SEC31A: variants seen among roughly 807,000 people sequenced by gnomAD.
SEC31A encodes the protein protein transport protein Sec31A.
A neutral mutation model predicts 151.0 loss-of-function variants in SEC31A; 70 were observed. The observed-to-expected ratio is 0.46, with a 90% CI of 0.38 to 0.57. The LOEUF is 0.57. Ranked by LOEUF, SEC31A falls within the 20% of genes least tolerant of loss-of-function variation. SEC31A has a pLI of 0.00. For synonymous variants in SEC31A, 475 were observed against 505.9 expected (o/e 0.94, Z 0.82); for missense variants, 1,330 against 1,471.2 (o/e 0.90, Z 1.57).
intron 22 of SEC31A, 66 bp from the exon 23 acceptor site, chr4:82,829,124 G>T: frequency 7.6e-7 from 1 of 1,319,522 alleles, no homozygotes; most frequent in Non-Finnish European, 1.1e-6. Flanking sequence ...AAACTGAATC[G>T]ATCACCTAAT....
rs144605203 is a variant in SEC31A at position 82,870,602 on chromosome 4, G to A, written c.783-178C>T. On this transcript the variant is annotated intron_variant, in intron 7 of 26. Transcript: ENST00000395310. ...AATGCCAACTACTCAGGAGGCTGAG[G>A]TAGGAGAATCACTTGAACCTGGGAG... Among the ~76,000 whole-genome samples the A allele has an allele frequency of 4.7e-3, 722 of 152,326 alleles. 7 individuals are homozygous for A. The highest frequency in any genetic ancestry group is 0.016 in the African/African-American group (678 of 41,562).
chr4:82,852,589 T>A (rs1232491863), intron 18 of SEC31A, among the ~76,000 whole-genome samples: 1 of 152,228 alleles, frequency 6.6e-6, no homozygotes, highest in East Asian at 1.9e-4. Flanking sequence ...CCTACCCATT[T>A]TTTTTGTTTC....
At chr4:82,831,426 A>G (rs1725910190) in intron 22 of SEC31A, 1 of 152,832 alleles carries the variant, frequency 6.5e-6, no homozygotes, top group South Asian at 2.0e-4. Context: ...TCAGCTATGG[A>G]TCTTGTTAAA....
At chr4:82,889,201 G>C (rs1009244800) in intron 1 of SEC31A, among the ~76,000 whole-genome samples, 1 of 152,110 alleles carries the variant, frequency 6.6e-6, no homozygotes, top group Non-Finnish European at 1.5e-5. Flanking sequence ...AAAACTTTTT[G>C]AGCTGAAATT....
chr4:82,846,820 T>C (rs1436213470), intron 20 of SEC31A, among the ~76,000 whole-genome samples: 1 of 152,190 alleles, frequency 6.6e-6, no homozygotes, highest in Non-Finnish European at 1.5e-5. Context: ...GTTCAAGCGA[T>C]TCTCCTGCCT....
At position 82,834,832 on chromosome 4, in the gene SEC31A, T is replaced by C. The variant is rs140698682; in HGVS notation, c.2969-5774A>G. The stretch of plus-strand genomic sequence containing the variant: ...TGACTTTTTTAAAAAAAACTTCTCC[T>C]ACTCAAGGATTTTATTTATTTATTT... On this transcript the variant is annotated intron_variant, in intron 22 of 26. Coordinates refer to ENST00000395310, the MANE Select transcript of SEC31A (RefSeq NM_001077207.4). Among the ~76,000 whole-genome samples the C allele has an allele frequency of 9.2e-3, 1,395 of 152,264 alleles. 25 individuals carry two copies. Among genetic ancestry groups the C allele is most frequent in the African/African-American group, 0.032 (1,325 of 41,560 alleles).
chr4:82,875,538 C>T (rs925026471), intron 5 of SEC31A, among the ~76,000 whole-genome samples, 189 bp downstream of exon 5: 1 of 152,140 alleles, frequency 6.6e-6, no homozygotes, highest in African/African-American at 2.4e-5. Context: ...TAAATATTTA[C>T]TCTTGATGGA....
rs759434094 is a variant in SEC31A, at chr4:82,848,790, A to C, written c.2502+14T>G. 1.9e-6 allele frequency: 3 copies of C among 1,601,740 alleles called. No homozygotes were observed. Among genetic ancestry groups the C allele is most frequent in the Non-Finnish European group, 2.6e-6 (3 of 1,175,880 alleles). ...ACAAAAGTGTTCCTACTTCATCTGG[A>C]CCATATCACTCACATGGGGATAATA... On this transcript the variant is annotated intron_variant, in intron 20 of 26. Transcript: ENST00000395310.
chr4:82,866,308 T>G (rs1205542611), intron 10 of SEC31A, among the ~76,000 whole-genome samples: 1 of 151,984 alleles, frequency 6.6e-6, no homozygotes, highest in East Asian at 1.9e-4. Context: ...CCATCTCTAC[T>G]AAAAATACAA....
chr4:82,851,729 C>A, intron 18 of SEC31A, 125 bp from the exon 19 acceptor site: 1 of 758,528 alleles, frequency 1.3e-6, no homozygotes. Context: ...TATCATCCCT[C>A]CTAGAAAAGT....
intron 1 of SEC31A, among the ~76,000 whole-genome samples, chr4:82,884,338 C>CT (rs1215717745): frequency 1.3e-5 from 2 of 151,356 alleles, no homozygotes; most frequent in Non-Finnish European, 2.9e-5. Flanking sequence ...TTTGACTTTG[C>CT]TTTTTTCAAA....
intron 8 of SEC31A, among the ~76,000 whole-genome samples, chr4:82,869,969 A>G (rs1488889334): frequency 6.6e-6 from 1 of 152,210 alleles, no homozygotes; most frequent in Non-Finnish European, 1.5e-5. Flanking sequence ...GGAACGGTAA[A>G]GCAGGCAAAA....
chr4:82,898,221 T>C (rs1224143786), intron 3 of SEC31A, among the ~76,000 whole-genome samples: 1 of 152,210 alleles, frequency 6.6e-6, no homozygotes, highest in East Asian at 1.9e-4. Flanking sequence ...TCACTGGATA[T>C]GAAGTTACTA....
chr4:82,821,088 A>T lies in SEC31A; in HGVS notation c.3432T>A (p.Asp1144Glu). The T allele has an allele frequency of 2.5e-6, 4 of 1,614,050 alleles. No individual in the cohort carries two copies. Among genetic ancestry groups the T allele is most frequent in the Non-Finnish European group, 3.4e-6 (4 of 1,179,932 alleles). The change falls in exon 26 of 27, where the codon GAT becomes GAA. Residue 1144 changes from aspartate (D) to glutamate (E), a missense_variant. Coordinates refer to ENST00000395310, the MANE Select transcript of SEC31A (RefSeq NM_001077207.4). ...ATDPQTKRKL[D>E]DASKRLEFLY... is the part of the protein sequence containing the mutation. ...GAAACTCCAAACGTTTGCTGGCATC[A>T]TCTAGCTTCCTCTTGGTTTGCTGCA...
intron 7 of SEC31A, chr4:82,871,279 T>C: frequency 7.2e-7 from 1 of 1,380,262 alleles, no homozygotes. Flanking sequence ...TTATCCTATT[T>C]GTATAAAAAT....
intron 3 of SEC31A, among the ~76,000 whole-genome samples, chr4:82,879,459 G>T (rs181871560): frequency 6.0e-5 from 9 of 150,622 alleles, no homozygotes; most frequent in Admixed American, 2.0e-4. Context: ...CTAAGAAAAA[G>T]AATGTATTCT....
chr4:82,870,806 T>G (rs3762901), intron 7 of SEC31A, among the ~76,000 whole-genome samples: 112,904 of 152,186 alleles, frequency 0.74, 42,260 homozygotes, highest in Admixed American at 0.79. Context: ...TCATTACAAA[T>G]ACATGGATGT....
chr4:82,864,781 T>TC (rs1224918352), intron 10 of SEC31A, among the ~76,000 whole-genome samples, 183 bp from the exon 11 acceptor site: 2 of 151,832 alleles, frequency 1.3e-5, no homozygotes, highest in East Asian at 3.9e-4. Flanking sequence ...TTTTTTGGTT[T>TC]TTTTTTTTTT....
At chr4:82,851,655 A>G (rs1382548878) in intron 18 of SEC31A, 51 bp from the exon 19 acceptor site, 4 of 1,463,318 alleles carry the variant, frequency 2.7e-6, no homozygotes, top group Non-Finnish European at 9.4e-7. Context: ...CATGTATGAG[A>G]GGAAGCAGGA....
Sources: gnomAD v4.1 joint callset for allele counts (sites outside exome capture counted in the v4.1 genomes callset) on GRCh38, gnomAD v4.1.1 for gene constraint, MANE v1.5 for transcripts, NCBI Gene and HGNC (gene_info 2026-07-23, HGNC 2026-07-21) for gene names.